STAG1: variants seen among roughly 807,000 people sequenced by gnomAD.
STAG1 encodes cohesin subunit SA-1.
In STAG1, 26 loss-of-function variants were observed where a neutral mutation model predicts 170.9. The observed-to-expected ratio is 0.15, with a 90% confidence interval of 0.11 to 0.21. The LOEUF (loss-of-function observed/expected upper bound fraction) is 0.21, where lower values mean the gene tolerates loss of function less well. Ranked by LOEUF, STAG1 falls within the 10% of genes least tolerant of loss-of-function variation. The pLI, the probability that STAG1 is intolerant of heterozygous loss-of-function variation, is 1.00. For missense variants in STAG1, 964 were observed against 1,509.5 expected (o/e 0.64, Z 5.99); for synonymous variants, 514 against 497.7 (o/e 1.03, Z -0.44).
chr3:136,364,271 C>T (rs1187080086), intron 25 of STAG1, among the ~76,000 whole-genome samples: 1 of 147,750 alleles, frequency 6.8e-6, no homozygotes, highest in Non-Finnish European at 1.5e-5. Flanking sequence ...TCAGTAGAGA[C>T]AGGGTTTCAC....
intron 22 of STAG1, among the ~76,000 whole-genome samples, chr3:136,388,245 C>T (rs544581224): frequency 6.6e-6 from 1 of 152,210 alleles, no homozygotes; most frequent in South Asian, 2.1e-4. Flanking sequence ...AGGTGAAGTA[C>T]CTTGCTTATC....
At position 136,443,412 on chromosome 3, in the gene STAG1, G is replaced by GA. The variant is rs766760115; in HGVS notation, c.1429-9dup. The GA allele has an allele frequency of 1.0e-5, 16 of 1,580,198 alleles. No homozygotes were observed. The highest frequency in any genetic ancestry group is 4.1e-5 in the African/African-American group (3 of 73,734). ...GGCTGCATGTTCATGTAACTAAAAA[G>GA]AAAAAATCAAGTGTGACCAAAGAAT... On this transcript the variant is annotated splice_polypyrimidine_tract_variant and intron_variant, in intron 14 of 33. Coordinates refer to ENST00000383202, the MANE Select transcript of STAG1 (RefSeq NM_005862.3).
intron 13 of STAG1, among the ~76,000 whole-genome samples, chr3:136,454,327 A>ACCTG (rs1462918388): frequency 2.7e-5 from 4 of 146,256 alleles, no homozygotes; most frequent in South Asian, 2.2e-4. Flanking sequence ...TAATCCGCCC[A>ACCTG]CCTCAGCCTC....
intron 1 of STAG1, among the ~76,000 whole-genome samples, chr3:136,641,812 T>C (rs536128775): frequency 6.6e-6 from 1 of 152,336 alleles, no homozygotes; most frequent in Non-Finnish European, 1.5e-5. Flanking sequence ...ACAATTACTA[T>C]GGTTATGTAA....
intron 14 of STAG1, among the ~76,000 whole-genome samples, chr3:136,446,450 T>A (rs2088780157): frequency 6.6e-6 from 1 of 152,038 alleles, no homozygotes; most frequent in Non-Finnish European, 1.5e-5. Flanking sequence ...TTAGACAGAG[T>A]CTCACTCTGT....
At chr3:136,491,170 T>C (rs1024230377) in intron 9 of STAG1, among the ~76,000 whole-genome samples, 1 of 152,118 alleles carries the variant, frequency 6.6e-6, no homozygotes, top group Non-Finnish European at 1.5e-5. Flanking sequence ...CAGGCTGGAG[T>C]GCAGTGGCTT....
At chr3:136,349,974 T>C (rs1429857334) in intron 28 of STAG1, among the ~76,000 whole-genome samples, 2 of 151,870 alleles carry the variant, frequency 1.3e-5, no homozygotes, top group African/African-American at 2.4e-5. Context: ...GGCACAACCC[T>C]ATCCCTACAA....
intron 5 of STAG1, among the ~76,000 whole-genome samples, chr3:136,556,309 T>C (rs899719257): frequency 2.0e-5 from 3 of 152,120 alleles, no homozygotes; most frequent in African/African-American, 7.2e-5. Flanking sequence ...AACTGAAAGA[T>C]TCTATTTTAT....
intron 6 of STAG1, among the ~76,000 whole-genome samples, chr3:136,540,542 C>G (rs1169270430): frequency 2.6e-5 from 4 of 151,852 alleles, no homozygotes; most frequent in African/African-American, 9.7e-5. Context: ...ATATATTTGG[C>G]CAGGCATGGT....
At chr3:136,439,492 A>T (rs945614111) in intron 15 of STAG1, among the ~76,000 whole-genome samples, 4 of 150,646 alleles carry the variant, frequency 2.7e-5, no homozygotes, top group Admixed American at 1.3e-4. Flanking sequence ...TGATGTTGGT[A>T]GTCTGTCACA....
At chr3:136,666,917 CAG>C (rs1288728940) in intron 1 of STAG1, among the ~76,000 whole-genome samples, 8 of 151,122 alleles carry the variant, frequency 5.3e-5, no homozygotes, top group Non-Finnish European at 1.2e-4. Context: ...CAACAAGGAA[CAG>C]AGACAGCTGA....
rs550959538 is a variant in STAG1 at position 136,642,224 on chromosome 3, G to C, written c.-83-11243C>G. On this transcript the variant is annotated intron_variant, in intron 1 of 33. Coordinates refer to ENST00000383202, the MANE Select transcript of STAG1 (RefSeq NM_005862.3). The stretch of plus-strand genomic sequence containing the variant: ...ATTTGCATATCCCATAGAGTTCGAT[G>C]GAACTCTATGGAACACGTACTGTGT... 6.0e-5 allele frequency among the ~76,000 whole-genome samples: 9 copies of C among 149,070 alleles called. No homozygotes were observed. The East Asian group carries it at 1.8e-3, about 30-fold the overall frequency.
intron 1 of STAG1, among the ~76,000 whole-genome samples, chr3:136,662,933 C>A (rs1256404596): frequency 6.6e-6 from 1 of 152,072 alleles, no homozygotes; most frequent in Admixed American, 6.6e-5. Flanking sequence ...CGCCTGTAAT[C>A]CCAGCTACTT....
At chr3:136,662,447 T>C (rs1246438138) in intron 1 of STAG1, among the ~76,000 whole-genome samples, 2 of 151,870 alleles carry the variant, frequency 1.3e-5, no homozygotes, top group African/African-American at 4.8e-5. Context: ...CCACCATGCC[T>C]GGCCTTAGAC....
chr3:136,548,069 A>T (rs1258320206), intron 5 of STAG1, among the ~76,000 whole-genome samples: 2 of 151,672 alleles, frequency 1.3e-5, no homozygotes, highest in Non-Finnish European at 1.5e-5. Flanking sequence ...CTATTCTGTT[A>T]CATTAGTTGC....
At chr3:136,601,697 C>T (rs992796858) in intron 4 of STAG1, among the ~76,000 whole-genome samples, 7 of 151,934 alleles carry the variant, frequency 4.6e-5, no homozygotes, top group Admixed American at 1.3e-4. Context: ...ATTAGCTAGA[C>T]GTGGTGGCAG....
chr3:136,674,987 T>G (rs1001124511), intron 1 of STAG1, among the ~76,000 whole-genome samples: 2 of 152,118 alleles, frequency 1.3e-5, no homozygotes, highest in African/African-American at 2.4e-5. Flanking sequence ...AAACAGTAAA[T>G]TGTGAAACCT....
chr3:136,625,942 CT>C (rs1289665962), intron 2 of STAG1, among the ~76,000 whole-genome samples: 7 of 152,172 alleles, frequency 4.6e-5, no homozygotes, highest in African/African-American at 1.7e-4. Context: ...AATCCCAACA[CT>C]TTGGGAGGCT....
chr3:136,433,432 T>C (rs999267023), intron 16 of STAG1, 124 bp downstream of exon 16: 16 of 709,364 alleles, frequency 2.3e-5, no homozygotes, highest in African/African-American at 2.0e-4. Flanking sequence ...TGAAGCACCA[T>C]AGTCCATCAT....
Sources: allele counts gnomAD v4.1 joint callset (sites outside exome capture counted in the v4.1 genomes callset), GRCh38; gene constraint gnomAD v4.1.1; transcripts MANE v1.5; gene names NCBI Gene and HGNC (gene_info 2026-07-23, HGNC 2026-07-21).